KIAA0753: variants seen among roughly 807,000 people sequenced by gnomAD.
The protein encoded by KIAA0753 is KIAA0753.
In KIAA0753, 114 loss-of-function variants were observed where a neutral mutation model predicts 116.9. The ratio of observed to expected loss-of-function variants is 0.98; its 90% confidence interval spans 0.84 to 1.14. The LOEUF is 1.14. Ranked by LOEUF, KIAA0753 falls within the 50% of genes most tolerant of loss-of-function variation. KIAA0753 has a pLI of 0.00. For missense variants in KIAA0753, 1,156 were observed against 1,172.4 expected, an observed-to-expected ratio of 0.99 and a Z score of 0.20; for synonymous variants, 405 against 413.1, an observed-to-expected ratio of 0.98 and a Z score of 0.24.
Position 6,595,051 on chromosome 17 carries a change from T to G in KIAA0753, c.2361A>C (p.Lys787Asn). Residue 787 changes from lysine to asparagine, a missense_variant and splice_region_variant, in exon 16 of 19, where the codon AAA becomes AAC. Transcript: ENST00000361413. ...ATCTTTGACGAACAGACTCCTGGTA[T>G]TTCTTTAAAAAAAAAGAAAAAAGTT... Reference protein sequence around the residue: ...IMMRRMEEMEKYQESVRQRYN... With the variant: ...IMMRRMEEMENYQESVRQRYN... 6.3e-7 allele frequency: 1 copy of G among 1,594,996 alleles called. No homozygotes were observed. The highest frequency in any genetic ancestry group is 1.4e-5 in the African/African-American group (1 of 73,818).
At chr17:6,587,911 C>T (rs892013598) in intron 18 of KIAA0753, among the ~76,000 whole-genome samples, 3 of 152,176 alleles carry the variant, frequency 2.0e-5, no homozygotes, top group Admixed American at 1.3e-4. Context: ...AGAATCATAA[C>T]TGATTTAGCA....
chr17:6,598,886 G>C (rs553020480), intron 14 of KIAA0753, among the ~76,000 whole-genome samples: 1 of 152,164 alleles, frequency 6.6e-6, no homozygotes, highest in Non-Finnish European at 1.5e-5. Flanking sequence ...ACAATAATGA[G>C]TGAAACTAGG....
intron 9 of KIAA0753, among the ~76,000 whole-genome samples, chr17:6,609,128 C>T (rs956356940): frequency 2.9e-4 from 44 of 152,190 alleles, no homozygotes; most frequent in African/African-American, 9.9e-4. Context: ...TGGATGAGCA[C>T]GGCCATTCCT....
Position 6,596,255 on chromosome 17 carries a change from T to C in KIAA0753, c.2261A>G (p.His754Arg). The change falls in exon 15 of 19, where the codon CAT (histidine) becomes CGT (arginine). Residue 754 changes from histidine (H) to arginine (R), a missense_variant. By Grantham distance (29) the His-to-Arg change is conservative. Coordinates refer to ENST00000361413, the MANE Select transcript of KIAA0753 (RefSeq NM_014804.3). ...DCASELWAVT[H>R]AKILGSETLA... ...GGTTTCAGACCCCAAGATCTTAGCA[T>C]GAGTCACAGCCCAGAGCTCACTGGC... 2.5e-6 allele frequency: 4 copies of C among 1,613,766 alleles called. No homozygotes were observed. Among genetic ancestry groups the C allele is most frequent in the Non-Finnish European group, 3.4e-6 (4 of 1,179,846 alleles).
chr17:6,592,766 T>C (rs1314999963), intron 16 of KIAA0753, among the ~76,000 whole-genome samples: 1 of 152,188 alleles, frequency 6.6e-6, no homozygotes, highest in African/African-American at 2.4e-5. Context: ...TAAAGGTTTC[T>C]TAGGTCATAG....
chr17:6,579,765 G>C lies in KIAA0753; in HGVS notation c.2886C>G (p.Phe962Leu). The C allele has an allele frequency of 1.2e-6, 2 of 1,613,154 alleles. No individual in the cohort carries two copies. The highest frequency in any genetic ancestry group is 1.7e-6 in the Non-Finnish European group (2 of 1,179,414). The change falls in exon 19 of 19, where the codon TTC (phenylalanine) becomes TTG (leucine). Residue 962 changes from phenylalanine to leucine, a missense_variant. By Grantham distance (22) the Phe-to-Leu change is conservative. Coordinates refer to ENST00000361413, the MANE Select transcript of KIAA0753 (RefSeq NM_014804.3). ...AGAGCCTTTATGTAGCAGCCTCTAA[G>C]AATTCTGAGGTGAACACAGCTTCTG... is the stretch of plus-strand genomic sequence containing the variant. ...DYAEAVFTSE[F>L]LEAAT
chr17:6,581,140 T>G (rs1042284891), intron 18 of KIAA0753, among the ~76,000 whole-genome samples: 1 of 152,224 alleles, frequency 6.6e-6, no homozygotes, highest in Non-Finnish European at 1.5e-5. Context: ...AATTTTTTGC[T>G]AGTCCAAGGT....
At chr17:6,612,250 A>G in intron 7 of KIAA0753, 102 bp from the exon 8 acceptor site, 1 of 789,272 alleles carries the variant, frequency 1.3e-6, no homozygotes, top group South Asian at 1.7e-5. Context: ...TACCTATCCT[A>G]GCCCTGCTGA....
rs1489797891 is a variant in KIAA0753 at position 6,624,708 on chromosome 17, G to T, written c.825+47C>A. The stretch of plus-strand genomic sequence containing the variant: ...AGGAAAACAGAAACTCTCTAAGGAA[G>T]CAGTACACAAGGCTGACTGCCCTAC... On this transcript the variant is annotated intron_variant, in intron 4 of 18. Transcript: ENST00000361413. 3 of 1,180,100 alleles carry T rather than the reference G, an allele frequency of 2.5e-6. No individual in the cohort carries two copies. In the East Asian group the frequency reaches 7.7e-5, roughly 30 times the overall value. The allele number at this position is 1,180,100 out of a possible 1,614,324, so 73.1% of individuals were successfully genotyped here.
chr17:6,612,136 G>C lies in KIAA0753; in HGVS notation c.1328C>G (p.Pro443Arg). The part of the protein sequence containing the change: ...AKQLLADKYQ[P>R]DTELPETQRL... Reference sequence around the variant, plus strand: ...CTGGGTCTCCGGAAGCTCCGTATCGGGCTGATACTTATCTACATGGAAATT... The same window carrying C: ...CTGGGTCTCCGGAAGCTCCGTATCGCGCTGATACTTATCTACATGGAAATT... Residue 443 changes from proline to arginine, a missense_variant, in exon 8 of 19, where the codon CCC becomes CGC. By Grantham distance (103) the Pro-to-Arg change is moderately radical. Transcript: ENST00000361413. 1 of 1,605,822 alleles carries C rather than the reference G, an allele frequency of 6.2e-7. No homozygotes were observed. The highest frequency in any genetic ancestry group is 8.5e-7 in the Non-Finnish European group (1 of 1,177,260).
chr17:6,623,115 G>A lies in KIAA0753; in HGVS notation c.889-18C>T, dbSNP rs759262426. 2.5e-6 allele frequency: 4 copies of A among 1,597,630 alleles called. No individual in the cohort carries two copies. Among genetic ancestry groups the A allele is most frequent in the Admixed American group, 1.7e-5 (1 of 58,956 alleles). On this transcript the variant is annotated intron_variant, in intron 5 of 18. Transcript: ENST00000361413. ...GCCCATGACTGGTAATAAACAAGAT[G>A]AGAGAAGTTATTTCCATACTCAGAA... is the stretch of plus-strand genomic sequence containing the variant.
At chr17:6,623,132 TA>T (rs1244931168) in intron 5 of KIAA0753, 35 bp from the exon 6 acceptor site, 1 of 1,549,050 alleles carries the variant, frequency 6.5e-7, no homozygotes. Flanking sequence ...GTTATTTCCA[TA>T]CTCAGAACTT....
chr17:6,639,110 CAG>C lies in KIAA0753; in HGVS notation c.-69+1525_-69+1526del, dbSNP rs990206913. ...GTGCCCCACGGGCCGGGCATACCCACAGAGTCTGTCTCCTCCACAGCCTGTCT... is the reference window on the plus strand; with the variant it reads ...GTGCCCCACGGGCCGGGCATACCCACAGTCTGTCTCCTCCACAGCCTGTCT... On this transcript the variant is annotated intron_variant, in intron 1 of 18. Coordinates refer to ENST00000361413, the MANE Select transcript of KIAA0753 (RefSeq NM_014804.3). The surrounding 1 kb of genome is among the most constrained non-coding windows in gnomAD (Gnocchi z 4.3). The C allele has an allele frequency of 6.6e-6, 1 of 152,620 alleles. No homozygotes were observed. The highest frequency in any genetic ancestry group is 1.5e-5 in the Non-Finnish European group (1 of 68,452). 9.5% of individuals were successfully genotyped at this position (152,620 alleles called of 1,614,324 possible).
chr17:6,616,639 A>C (rs1024925397), intron 7 of KIAA0753, among the ~76,000 whole-genome samples: 1 of 152,188 alleles, frequency 6.6e-6, no homozygotes, highest in Admixed American at 6.5e-5. Flanking sequence ...CGACCAACCA[A>C]CATGGTAAAA....
chr17:6,619,145 C>T (rs1268877773), intron 7 of KIAA0753, among the ~76,000 whole-genome samples: 1 of 151,950 alleles, frequency 6.6e-6, no homozygotes, highest in Non-Finnish European at 1.5e-5. Context: ...AGGAGAATTG[C>T]TTAAACCTGG....
At chr17:6,599,623 C>G (rs143457968) in intron 13 of KIAA0753, among the ~76,000 whole-genome samples, 1 of 152,106 alleles carries the variant, frequency 6.6e-6, no homozygotes, top group Non-Finnish European at 1.5e-5. Context: ...GGAAGTTGAA[C>G]TACTTGATTT....
chr17:6,597,547 T>C (rs909862936), intron 14 of KIAA0753, among the ~76,000 whole-genome samples: 44 of 152,240 alleles, frequency 2.9e-4, no homozygotes, highest in Non-Finnish European at 1.5e-4. Flanking sequence ...GAACTTTTCA[T>C]ATACTTCTTC....
rs1968227377 is a variant in KIAA0753 at position 6,582,166 on chromosome 17, CTAAAA to C, written c.2787-2307_2787-2303del. 5.3e-5 allele frequency among the ~76,000 whole-genome samples: 8 copies of C among 152,268 alleles called. No homozygotes were observed. In the South Asian group the frequency reaches 1.7e-3, roughly 32 times the overall value. On this transcript the variant is annotated intron_variant, in intron 18 of 18. Transcript: ENST00000361413. Reference sequence around the variant, plus strand: ...AATGTACTTACTTATTTGACCAATCCTAAAATATAGAGAAAATAGTTTTCAACTGT... The same window carrying C: ...AATGTACTTACTTATTTGACCAATCCTATAGAGAAAATAGTTTTCAACTGT...
chr17:6,619,600 C>T (rs1468656266), intron 7 of KIAA0753, among the ~76,000 whole-genome samples: 4 of 152,050 alleles, frequency 2.6e-5, no homozygotes, highest in Non-Finnish European at 4.4e-5. Flanking sequence ...CTACTTTTTG[C>T]ATTTTTTGTA....
Sources: gnomAD v4.1 joint callset for allele counts (sites outside exome capture counted in the v4.1 genomes callset) on GRCh38, gnomAD v4.1.1 for gene constraint, Gnocchi (gnomAD v3.1) non-coding constraint, MANE v1.5 for transcripts, NCBI Gene and HGNC (gene_info 2026-07-23, HGNC 2026-07-21) for gene names.